Variants in DNAJB4 observed in about 807,000 individuals in gnomAD.
DNAJB4 encodes the protein DnaJ heat shock protein family (Hsp40) member B4, also known as dnaJ homolog subfamily B member 4.
In DNAJB4, 10 loss-of-function variants were observed where a neutral mutation model predicts 26.6. That is an observed-to-expected ratio of 0.38 (90% CI 0.23 to 0.64). The LOEUF (loss-of-function observed/expected upper bound fraction) is 0.64. Ranked by LOEUF, DNAJB4 falls within the 30% of genes least tolerant of loss-of-function variation. The pLI is 0.58. For synonymous variants in DNAJB4, 136 were observed against 134.8 expected (o/e 1.01, Z -0.06); for missense variants, 328 against 408.2 (o/e 0.80, Z 1.69).
At position 78,013,482 on chromosome 1, in the gene DNAJB4, A is replaced by C; in HGVS notation, c.643A>C (p.Thr215Pro). The C allele has an allele frequency of 6.2e-7, 1 of 1,614,194 alleles. No individual in the cohort carries two copies. Among genetic ancestry groups the C allele is most frequent in the Non-Finnish European group, 8.5e-7 (1 of 1,180,042 alleles). The change falls in exon 2 of 3, where the codon ACT becomes CCT. Residue 215 changes from threonine (T) to proline (P), a missense_variant. Coordinates refer to ENST00000370763, the MANE Select transcript of DNAJB4 (RefSeq NM_007034.5). ...AGGGTGGAAAGAAGGCACCAAAATTACTTTTCCAAGAGAAGGAGATGAAAC... is the reference window on the plus strand; with the variant it reads ...AGGGTGGAAAGAAGGCACCAAAATTCCTTTTCCAAGAGAAGGAGATGAAAC... ...KKGWKEGTKI[T>P]FPREGDETPN...
At chr1:77,989,289 C>T (rs1189235042) in intron 1 of DNAJB4, among the ~76,000 whole-genome samples, 1 of 152,146 alleles carries the variant, frequency 6.6e-6, no homozygotes, top group Admixed American at 6.6e-5. Context: ...GTCATTTAAG[C>T]AATTATTTCT....
chr1:77,998,631 G>C (rs1660120046), intron 1 of DNAJB4, among the ~76,000 whole-genome samples: 2 of 152,220 alleles, frequency 1.3e-5, no homozygotes, highest in South Asian at 4.1e-4. Flanking sequence ...CTTAAGCCCA[G>C]GAGTTCTAGA....
upstream of DNAJB4, among the ~76,000 whole-genome samples, chr1:78,003,296 A>G (rs545745969): frequency 3.9e-5 from 6 of 152,204 alleles, no homozygotes; most frequent in South Asian, 1.0e-3. Flanking sequence ...GTACCTTTTG[A>G]TATTATTTCT....
In DNAJB4 at chr1:78,012,998, T is replaced by G. The variant is rs930711266; in HGVS notation, c.212-53T>G. 3 of 1,465,218 alleles carry G rather than the reference T, an allele frequency of 2.0e-6. No individual in the cohort carries two copies. In the African/African-American group the frequency reaches 4.3e-5, roughly 21 times the overall value. 90.8% of individuals were successfully genotyped at this position (1,465,218 alleles called of 1,614,324 possible). A position where few individuals can be genotyped will look rare whatever the true frequency, so the allele number is the denominator to read the frequency against. ...ATTAGCAATACAGTTTTTGAAAGTTTAACTTTTAAGAGTTGCAAGCTTTTT... is the reference window on the plus strand; with the variant it reads ...ATTAGCAATACAGTTTTTGAAAGTTGAACTTTTAAGAGTTGCAAGCTTTTT... On this transcript the variant is annotated intron_variant, in intron 1 of 2. Transcript: ENST00000370763.
intron 1 of DNAJB4, among the ~76,000 whole-genome samples, chr1:78,005,546 C>T (rs1325041474): frequency 6.6e-6 from 1 of 152,010 alleles, no homozygotes; most frequent in East Asian, 1.9e-4. Context: ...CCTTGTTTGC[C>T]TTTTTTATTT....
chr1:77,996,444 T>C (rs933032754), intron 1 of DNAJB4, among the ~76,000 whole-genome samples: 2 of 152,154 alleles, frequency 1.3e-5, no homozygotes, highest in African/African-American at 4.8e-5. Flanking sequence ...TGTAAGCTAC[T>C]GCACCTGGCT....
rs1294678174 is a variant in DNAJB4 at position 78,017,895 on chromosome 1, T to A, written c.*1648T>A. On this transcript the variant is annotated 3_prime_UTR_variant, in exon 3 of 3. Transcript: ENST00000370763. ...ATATGGATATACCACAATTTGTTTA[T>A]CTTTTCATTAATTATGGGCATTTGG... 2 of 151,996 alleles carry A rather than the reference T, an allele frequency of 1.3e-5. No homozygotes were observed. Among genetic ancestry groups the A allele is most frequent in the Non-Finnish European group, 2.9e-5 (2 of 67,960 alleles). 9.4% of individuals were successfully genotyped at this position (151,996 alleles called of 1,614,324 possible). A position where few individuals can be genotyped will look rare whatever the true frequency, so the allele number is the denominator to read the frequency against.
chr1:78,012,120 T>TAAGAC (rs10679775), intron 1 of DNAJB4, among the ~76,000 whole-genome samples: 128,906 of 140,828 alleles, frequency 0.92, 59,191 homozygotes, highest in African/African-American at 0.95. Flanking sequence ...CAGTAGTTTA[T>TAAGAC]AAGGAGTTCC....
At chr1:77,989,806 G>C (rs927020217) in intron 1 of DNAJB4, among the ~76,000 whole-genome samples, 4 of 152,184 alleles carry the variant, frequency 2.6e-5, no homozygotes, top group African/African-American at 9.7e-5. Flanking sequence ...TGTCAAGTTA[G>C]GCTCTTACTG....
chr1:78,005,582 A>G (rs754468566), intron 1 of DNAJB4, among the ~76,000 whole-genome samples: 25 of 152,304 alleles, frequency 1.6e-4, no homozygotes, highest in African/African-American at 6.0e-4. Flanking sequence ...TACATATTTT[A>G]TCATTAGACT....
rs1490745324 is a variant in DNAJB4 at position 78,016,728 on chromosome 1, G to C, written c.*481G>C. 1 of 154,204 alleles carries C rather than the reference G, an allele frequency of 6.5e-6. No homozygotes were observed. Among genetic ancestry groups the C allele is most frequent in the Non-Finnish European group, 1.4e-5 (1 of 69,620 alleles). 9.6% of individuals were successfully genotyped at this position (154,204 alleles called of 1,614,324 possible). ...CCTTCTGAAATGCTGCTATAGGGCT[G>C]GTATCTGTAAAAGAATATCCTGATG... is the stretch of plus-strand genomic sequence containing the variant. On this transcript the variant is annotated 3_prime_UTR_variant, in exon 3 of 3. Coordinates refer to ENST00000370763, the MANE Select transcript of DNAJB4 (RefSeq NM_007034.5).
At chr1:77,980,077 G>A (rs1004230348), upstream of DNAJB4, 2 of 152,140 alleles carry the variant, frequency 1.3e-5, no homozygotes, top group Non-Finnish European at 2.9e-5. Flanking sequence ...TAGAGACGGG[G>A]TTTCACCGTG....
At chr1:77,984,229 CCTT>C (rs1374970544) in intron 1 of DNAJB4, among the ~76,000 whole-genome samples, 1 of 152,182 alleles carries the variant, frequency 6.6e-6, no homozygotes, top group African/African-American at 2.4e-5. Context: ...TGAAAATCCT[CCTT>C]ATCCCTTCAG....
chr1:77,981,320 T>TA (rs1388941013), intron 1 of DNAJB4: 4 of 151,432 alleles, frequency 2.6e-5, no homozygotes, highest in Non-Finnish European at 5.9e-5. Context: ...CCACTATGCC[T>TA]AATTTTTTTT....
At chr1:77,985,836 C>T (rs1452500792) in intron 1 of DNAJB4, among the ~76,000 whole-genome samples, 2 of 152,020 alleles carry the variant, frequency 1.3e-5, no homozygotes, top group African/African-American at 4.8e-5. Flanking sequence ...GTTCTAAGTG[C>T]TAGAGATACA....
intron 1 of DNAJB4, among the ~76,000 whole-genome samples, chr1:77,993,345 C>G (rs796860597): frequency 6.6e-6 from 1 of 151,892 alleles, no homozygotes; most frequent in Non-Finnish European, 1.5e-5. Context: ...GATCGAGTCT[C>G]GCTCTGTCAC....
chr1:77,982,569 G>C (rs1035076218), intron 1 of DNAJB4, among the ~76,000 whole-genome samples: 1 of 5,370 alleles, frequency 1.9e-4, no homozygotes, highest in Non-Finnish European at 6.3e-4. Flanking sequence ...ATGCCGAGGC[G>C]GGTGGATCAC....
At chr1:78,006,258 T>C (rs1660327692) in intron 1 of DNAJB4, among the ~76,000 whole-genome samples, 1 of 152,200 alleles carries the variant, frequency 6.6e-6, no homozygotes, top group Non-Finnish European at 1.5e-5. Flanking sequence ...ATCACTTCCA[T>C]ATAAACGGGG....
At chr1:78,011,943 A>G (rs988049853) in intron 1 of DNAJB4, among the ~76,000 whole-genome samples, 15 of 148,532 alleles carry the variant, frequency 1.0e-4, no homozygotes, top group African/African-American at 3.4e-4. Context: ...TTATTAATAT[A>G]TTTATATTTT....
Sources: allele counts gnomAD v4.1 joint callset (sites outside exome capture counted in the v4.1 genomes callset), GRCh38; gene constraint gnomAD v4.1.1; transcripts MANE v1.5; gene names NCBI Gene and HGNC (gene_info 2026-07-23, HGNC 2026-07-21).